Variants in NBAS observed in about 807,000 individuals in gnomAD.
NBAS encodes NBAS subunit of NRZ tethering complex.
In NBAS, 219 loss-of-function variants were observed where a neutral mutation model predicts 302.5. That is an observed-to-expected ratio of 0.72 (90% CI 0.65 to 0.81). The LOEUF (loss-of-function observed/expected upper bound fraction) is 0.81, where lower values mean the gene tolerates loss of function less well. Ranked by LOEUF, NBAS falls within the 30% of genes least tolerant of loss-of-function variation. NBAS has a pLI of 0.00. For missense variants in NBAS, 2,932 were observed against 2,841.6 expected (o/e 1.03, Z -0.72); for synonymous variants, 1,118 against 1,021.6 (o/e 1.09, Z -1.80).
chr2:15,529,702 A>G (rs938569892), intron 9 of NBAS, among the ~76,000 whole-genome samples: 3 of 152,290 alleles, frequency 2.0e-5, no homozygotes, highest in Admixed American at 1.3e-4. Context: ...TTCACAACAA[A>G]GAACTGAGCA....
At position 15,327,779 on chromosome 2, in the gene NBAS, T is replaced by A; in HGVS notation, c.4553A>T (p.Asn1518Ile). 6.2e-7 allele frequency: 1 copy of A among 1,613,772 alleles called. No individual in the cohort carries two copies. The highest frequency in any genetic ancestry group is 1.1e-5 in the South Asian group (1 of 91,078). ...AGTTGTTGGAAATACTTCTCCTTTA[T>A]TTTTAGCCTCTGCCAATTTTCCAGT... ...LRTGKLAEAK[N>I]KGEVFPTTEV... The change falls in exon 38 of 52, where the codon AAT (asparagine) becomes ATT (isoleucine). Residue 1518 changes from asparagine to isoleucine, a missense_variant. By Grantham distance (149) the Asn-to-Ile change is moderately radical. Transcript: ENST00000281513.
At chr2:14,809,722 G>A in the NBAS span, among the ~76,000 whole-genome samples, 26 of 152,146 alleles carry the variant, frequency 1.7e-4, no homozygotes, top group African/African-American at 5.6e-4. Context: ...GAGGGCCACT[G>A]TTCTCCAGAC....
At chr2:15,310,303 C>A (rs1303021188) in intron 38 of NBAS, among the ~76,000 whole-genome samples, 1 of 152,216 alleles carries the variant, frequency 6.6e-6, no homozygotes, top group African/African-American at 2.4e-5. Context: ...GTGTCTTCCC[C>A]ACTGTGTATC....
the NBAS span, among the ~76,000 whole-genome samples, chr2:14,813,232 C>G: frequency 1.3e-5 from 2 of 152,140 alleles, no homozygotes; most frequent in Non-Finnish European, 2.9e-5. Flanking sequence ...AATGTGGAAG[C>G]AACCTTAAAA....
intron 6 of NBAS, among the ~76,000 whole-genome samples, chr2:15,539,877 C>T (rs912051582): frequency 6.6e-6 from 1 of 152,100 alleles, no homozygotes; most frequent in African/African-American, 2.4e-5. Flanking sequence ...CACACACTCA[C>T]ACACATATAC....
chr2:14,902,714 G>A, the NBAS span, among the ~76,000 whole-genome samples: 1 of 152,164 alleles, frequency 6.6e-6, no homozygotes, highest in African/African-American at 2.4e-5. Context: ...GGGAGGTTGG[G>A]AAAAGGGGAG....
chr2:15,398,905 T>C (rs2148421524), intron 26 of NBAS, among the ~76,000 whole-genome samples: 1 of 152,270 alleles, frequency 6.6e-6, no homozygotes, highest in Non-Finnish European at 1.5e-5. Context: ...CATTAAAAAA[T>C]GTTACATCAG....
At chr2:15,126,693 G>A in the NBAS span, among the ~76,000 whole-genome samples, 34 of 152,276 alleles carry the variant, frequency 2.2e-4, no homozygotes, top group Middle Eastern at 3.4e-3. Context: ...CAATGCAGGT[G>A]GCAGCATTTG....
intron 49 of NBAS, among the ~76,000 whole-genome samples, chr2:15,187,855 GA>G (rs1389977380): frequency 6.6e-6 from 1 of 152,206 alleles, no homozygotes; most frequent in Admixed American, 6.5e-5. Flanking sequence ...GTAACAAGGG[GA>G]CGAGCCCTTG....
the NBAS span, among the ~76,000 whole-genome samples, chr2:14,876,934 A>G: frequency 1.3e-5 from 2 of 152,186 alleles, no homozygotes; most frequent in Non-Finnish European, 2.9e-5. Flanking sequence ...GAATCAGGGA[A>G]TCCCAGTTTT....
At chr2:14,914,621 C>T in the NBAS span, among the ~76,000 whole-genome samples, 20 of 152,212 alleles carry the variant, frequency 1.3e-4, no homozygotes, top group African/African-American at 4.6e-4. Flanking sequence ...CATTCCAGGC[C>T]CAACTGATTT....
rs1572525306 is a variant in NBAS, at chr2:15,249,731, A to T, written c.5725-11045T>A. On this transcript the variant is annotated intron_variant, in intron 44 of 51. Coordinates refer to ENST00000281513, the MANE Select transcript of NBAS (RefSeq NM_015909.4). ...ACAATTGCTACAAAGAGAATAAAAT[A>T]CCTAGGAATACAACTTACAAGGGAT... is the stretch of plus-strand genomic sequence containing the variant. Among the ~76,000 whole-genome samples, 5 of 152,268 alleles carry T rather than the reference A, an allele frequency of 3.3e-5. No individual in the cohort carries two copies. The South Asian group carries it at 1.0e-3, about 32-fold the overall frequency.
chr2:15,090,989 A>G, the NBAS span, among the ~76,000 whole-genome samples: 23 of 152,308 alleles, frequency 1.5e-4, no homozygotes, highest in South Asian at 2.9e-3. Flanking sequence ...ACCTACAACT[A>G]TAATTCAAAA....
At chr2:15,367,043 G>A (rs1674244940) in intron 31 of NBAS, among the ~76,000 whole-genome samples, 1 of 152,050 alleles carries the variant, frequency 6.6e-6, no homozygotes, top group Non-Finnish European at 1.5e-5. Flanking sequence ...CATATACTTA[G>A]TATTATACCA....
intron 40 of NBAS, among the ~76,000 whole-genome samples, chr2:15,293,810 T>A (rs1390814829): frequency 6.6e-6 from 1 of 152,204 alleles, no homozygotes; most frequent in African/African-American, 2.4e-5. Context: ...TCTCTCTTGA[T>A]CCTATTAAGG....
intron 44 of NBAS, among the ~76,000 whole-genome samples, chr2:15,257,993 T>C (rs1668679412): frequency 6.6e-6 from 1 of 152,216 alleles, no homozygotes; most frequent in Admixed American, 6.5e-5. Flanking sequence ...CATTAAGATG[T>C]GCATTTTGAA....
At chr2:14,783,542 T>C in the NBAS span, among the ~76,000 whole-genome samples, 1 of 143,836 alleles carries the variant, frequency 7.0e-6, no homozygotes, top group East Asian at 2.2e-4. Flanking sequence ...CATTGTTCAA[T>C]TCCCACCTAT....
chr2:15,308,961 T>A (rs1671153552), intron 39 of NBAS, among the ~76,000 whole-genome samples: 1 of 152,114 alleles, frequency 6.6e-6, no homozygotes, highest in Non-Finnish European at 1.5e-5. Flanking sequence ...ATGGCACATG[T>A]ATACATATGT....
intron 26 of NBAS, among the ~76,000 whole-genome samples, chr2:15,400,116 C>T (rs548425778): frequency 2.0e-5 from 3 of 151,708 alleles, no homozygotes; most frequent in East Asian, 1.9e-4. Context: ...ATATGCAACA[C>T]GAGAGAGAGG....
Sources: gnomAD v4.1 joint callset for allele counts (sites outside exome capture counted in the v4.1 genomes callset) on GRCh38, gnomAD v4.1.1 for gene constraint, MANE v1.5 for transcripts, NCBI Gene and HGNC (gene_info 2026-07-23, HGNC 2026-07-21) for gene names.